EGFLAM: variants seen among roughly 807,000 people sequenced by gnomAD.
The protein encoded by EGFLAM is pikachurin.
A neutral mutation model predicts 113.1 loss-of-function variants in EGFLAM; 79 were observed. That is an observed-to-expected ratio of 0.70 (90% confidence interval 0.58 to 0.84). The LOEUF is 0.84. Ranked by LOEUF, EGFLAM falls within the 40% of genes least tolerant of loss-of-function variation. EGFLAM has a pLI of 0.00. For synonymous variants in EGFLAM, 504 were observed against 487.6 expected, an observed-to-expected ratio of 1.03 and a Z score of -0.44; for missense variants, 1,265 against 1,291.6, an observed-to-expected ratio of 0.98 and a Z score of 0.32.
intron 4 of EGFLAM, among the ~76,000 whole-genome samples, chr5:38,350,845 C>CT (rs1270097227): frequency 3.3e-5 from 5 of 152,116 alleles, no homozygotes; most frequent in African/African-American, 1.2e-4. Context: ...TGCTCCAGCA[C>CT]TGTAGGAATG....
At chr5:38,387,742 C>A (rs7726465) in intron 6 of EGFLAM, among the ~76,000 whole-genome samples, 2 of 152,212 alleles carry the variant, frequency 1.3e-5, no homozygotes, top group African/African-American at 4.8e-5. Context: ...AAAATGAGAA[C>A]CAGTTACTCT....
At chr5:38,380,776 G>T (rs955309288) in intron 6 of EGFLAM, among the ~76,000 whole-genome samples, 3 of 149,550 alleles carry the variant, frequency 2.0e-5, no homozygotes, top group African/African-American at 7.5e-5. Flanking sequence ...TACAGGGAAT[G>T]ATTCACTTTG....
intron 5 of EGFLAM, among the ~76,000 whole-genome samples, chr5:38,354,705 G>T (rs952623163): frequency 1.3e-5 from 2 of 152,162 alleles, no homozygotes; most frequent in Admixed American, 1.3e-4. Flanking sequence ...ACTCTAGCCT[G>T]GAGGACAGAG....
chr5:38,426,905 T>C (rs1197453620), intron 13 of EGFLAM, 104 bp from the exon 14 acceptor site: 1 of 1,498,390 alleles, frequency 6.7e-7, no homozygotes, highest in Non-Finnish European at 8.9e-7. Context: ...TGCTGGGAAT[T>C]GTAGTTTAGG....
In EGFLAM at chr5:38,258,786, T is replaced by C. The variant is rs754912955; in HGVS notation, c.32T>C (p.Leu11Pro). Residue 11 changes from leucine (L) to proline (P), a missense_variant, in exon 1 of 22, where the codon CTC (leucine) becomes CCC (proline). Coordinates refer to ENST00000322350, the MANE Select transcript of EGFLAM (RefSeq NM_152403.4). ...TTAATCCGAGGCGTCTTGCTCCGGC[T>C]CCTGCTCCTGGCTTCCAGCCTCGGA... The part of the protein sequence containing the change: MDLIRGVLLR[L>P]LLLASSLGPG... 1.2e-6 allele frequency: 2 copies of C among 1,612,198 alleles called. No homozygotes were observed. The highest frequency in any genetic ancestry group is 8.5e-7 in the Non-Finnish European group (1 of 1,179,518).
At chr5:38,346,960 G>A (rs2111972668) in intron 3 of EGFLAM, among the ~76,000 whole-genome samples, 1 of 151,222 alleles carries the variant, frequency 6.6e-6, no homozygotes, top group East Asian at 2.0e-4. Context: ...GTAGGGTGGA[G>A]TGGAGGTGGG....
At chr5:38,402,209 C>A (rs962427470) in intron 6 of EGFLAM, 8 of 152,156 alleles carry the variant, frequency 5.3e-5, no homozygotes, top group Admixed American at 2.0e-4. Context: ...TATTATATAG[C>A]TTTTAAAGAG....
In EGFLAM at chr5:38,427,209, G is replaced by A. The variant is rs147520523; in HGVS notation, c.2011G>A (p.Val671Met). Residue 671 changes from valine (V) to methionine (M), a missense_variant, in exon 14 of 22, where the codon GTG (valine) becomes ATG (methionine). Physicochemically the swap from Val to Met is conservative, Grantham distance 21. Coordinates refer to ENST00000322350, the MANE Select transcript of EGFLAM (RefSeq NM_152403.4). ...GTCCATCAACTTGGCAGGGGGCCAC[G>A]TGGAGTTCCGCTTTGACTGTGGCTC... is the stretch of plus-strand genomic sequence containing the variant. ...FLSINLAGGH[V>M]EFRFDCGSGT... 5.7e-4 allele frequency: 921 copies of A among 1,614,134 alleles called. 1 individual carries two copies. Among genetic ancestry groups the A allele is most frequent in the Non-Finnish European group, 7.4e-4 (871 of 1,180,012 alleles).
At chr5:38,265,840 C>T (rs1331847674) in intron 1 of EGFLAM, among the ~76,000 whole-genome samples, 2 of 152,216 alleles carry the variant, frequency 1.3e-5, no homozygotes, top group Non-Finnish European at 2.9e-5. Flanking sequence ...ATCCAGGCAC[C>T]TGCCTTTTTA....
intron 6 of EGFLAM, 77 bp from the exon 7 acceptor site, chr5:38,406,049 C>T (rs199575812): frequency 2.2e-5 from 25 of 1,123,498 alleles, no homozygotes; most frequent in Non-Finnish European, 3.3e-5. Context: ...ACAGCTCTGC[C>T]TGTGGCTGAG....
intron 17 of EGFLAM, among the ~76,000 whole-genome samples, chr5:38,440,194 C>A (rs371616215): frequency 6.6e-6 from 1 of 152,158 alleles, no homozygotes; most frequent in East Asian, 1.9e-4. Context: ...TCTTTTCCTG[C>A]AAAGCAGTCT....
At chr5:38,270,634 C>G (rs1757743122) in intron 1 of EGFLAM, among the ~76,000 whole-genome samples, 1 of 133,314 alleles carries the variant, frequency 7.5e-6, no homozygotes, top group Non-Finnish European at 1.7e-5. Flanking sequence ...GGTTTGAATT[C>G]TAGCTTTAAA....
At chr5:38,277,782 T>G (rs1757922003) in intron 1 of EGFLAM, among the ~76,000 whole-genome samples, 1 of 151,624 alleles carries the variant, frequency 6.6e-6, no homozygotes, top group Admixed American at 6.6e-5. Flanking sequence ...AAAAAAATCT[T>G]GTGTATAATA....
chr5:38,287,675 A>G (rs919629394), intron 1 of EGFLAM, among the ~76,000 whole-genome samples: 1 of 152,188 alleles, frequency 6.6e-6, no homozygotes, highest in South Asian at 2.1e-4. Flanking sequence ...CCTGGCCAAG[A>G]CAAGCATATT....
intron 1 of EGFLAM, among the ~76,000 whole-genome samples, chr5:38,306,798 A>G (rs1446283454): frequency 6.6e-6 from 1 of 152,222 alleles, no homozygotes; most frequent in Admixed American, 6.5e-5. Flanking sequence ...TGTGATATTT[A>G]GTCAATTTCA....
intron 17 of EGFLAM, among the ~76,000 whole-genome samples, chr5:38,446,715 G>A (rs1215104355): frequency 6.6e-6 from 1 of 152,134 alleles, no homozygotes; most frequent in African/African-American, 2.4e-5. Context: ...TAAATTTTCT[G>A]TTTCGTCCTT....
At chr5:38,277,467 A>T (rs1757914680) in intron 1 of EGFLAM, among the ~76,000 whole-genome samples, 1 of 128,900 alleles carries the variant, frequency 7.8e-6, no homozygotes, top group Non-Finnish European at 1.8e-5. Flanking sequence ...CTGAACAAGG[A>T]AAAGTTGAAA....
rs141839333 is a variant in EGFLAM, at chr5:38,373,524, C to G, written c.712+3062C>G. Among the ~76,000 whole-genome samples the G allele has an allele frequency of 8.5e-5, 13 of 152,260 alleles. No homozygotes were observed. The East Asian group carries it at 2.3e-3, about 27-fold the overall frequency. On this transcript the variant is annotated intron_variant, in intron 6 of 21. Coordinates refer to ENST00000322350, the MANE Select transcript of EGFLAM (RefSeq NM_152403.4). Reference sequence around the variant, plus strand: ...GTGAGAGCATGCAGTATTTGATTTTCTGTTTGTGAGTTATTTCACTTAGGA... The same window carrying G: ...GTGAGAGCATGCAGTATTTGATTTTGTGTTTGTGAGTTATTTCACTTAGGA...
intron 5 of EGFLAM, among the ~76,000 whole-genome samples, chr5:38,361,147 T>C (rs1739910308): frequency 6.6e-6 from 1 of 151,980 alleles, no homozygotes; most frequent in African/African-American, 2.4e-5. Flanking sequence ...ATTGTAGGCA[T>C]GAGCCACCGC....
Sources: allele counts gnomAD v4.1 joint callset (sites outside exome capture counted in the v4.1 genomes callset), GRCh38; gene constraint gnomAD v4.1.1; transcripts MANE v1.5; gene names NCBI Gene and HGNC (gene_info 2026-07-23, HGNC 2026-07-21).